The following SEC62 variants were observed in gnomAD, a reference collection of about 807,000 sequenced individuals.
SEC62 encodes SEC62 preprotein translocation factor, also known as translocation protein SEC62.
In SEC62, 10 loss-of-function variants were observed where a neutral mutation model predicts 47.5. That is an observed-to-expected ratio of 0.21 (90% CI 0.13 to 0.36). The LOEUF is 0.36. Ranked by LOEUF, SEC62 falls within the 10% of genes least tolerant of loss-of-function variation. The pLI is 1.00. For missense variants in SEC62, 327 were observed against 464.1 expected (o/e 0.70, Z 2.71); for synonymous variants, 136 against 150.5 (o/e 0.90, Z 0.71).
At position 169,983,266 on chromosome 3, in the gene SEC62, C is replaced by CTA; in HGVS notation, c.549+16_549+17dup. 3.2e-6 allele frequency: 5 copies of CTA among 1,568,326 alleles called. No individual in the cohort carries two copies. The highest frequency in any genetic ancestry group is 4.3e-6 in the Non-Finnish European group (5 of 1,152,968). On this transcript the variant is annotated intron_variant, in intron 5 of 7. Transcript: ENST00000337002. ...GGATGGAAATGAGGTGAGAGTAAGC[C>CTA]TATAACTAGAAGTTCAGTTTTCTAT...
chr3:169,989,446 G>C (rs1053695398), intron 7 of SEC62, among the ~76,000 whole-genome samples: 1 of 148,566 alleles, frequency 6.7e-6, no homozygotes, highest in Non-Finnish European at 1.5e-5. Context: ...CATGGAACAC[G>C]GGCACATTTG....
chr3:169,982,921 T>A lies in SEC62; in HGVS notation c.456+10T>A, dbSNP rs1715016486. On this transcript the variant is annotated intron_variant, in intron 4 of 7. Coordinates refer to ENST00000337002, the MANE Select transcript of SEC62 (RefSeq NM_003262.4). ...GGAAGAATCCAAAAAGGTGAGTTAA[T>A]CTAAAATTAAGTAAAAATTTAAAAA... 1 of 1,561,974 alleles carries A rather than the reference T, an allele frequency of 6.4e-7. No homozygotes were observed. Among genetic ancestry groups the A allele is most frequent in the Non-Finnish European group, 8.6e-7 (1 of 1,165,334 alleles).
chr3:169,967,751 T>C (rs1559962860), intron 1 of SEC62, among the ~76,000 whole-genome samples: 1 of 152,232 alleles, frequency 6.6e-6, no homozygotes, highest in Non-Finnish European at 1.5e-5. Context: ...GAAACCTTCA[T>C]AAGCCCTCAA....
rs1188535735 is a variant in SEC62 at position 169,992,406 on chromosome 3, A to T, written c.731-188A>T. Among the ~76,000 whole-genome samples the T allele has an allele frequency of 1.3e-5, 2 of 152,104 alleles. No individual in the cohort carries two copies. The stretch of plus-strand genomic sequence containing the variant: ...AGCCTCGAGCTCCTGGGCTCAAGTG[A>T]TCCTCCCAAGTAGCTTGGATTAGAG... On this transcript the variant is annotated intron_variant, in intron 7 of 7. Coordinates refer to ENST00000337002, the MANE Select transcript of SEC62 (RefSeq NM_003262.4). This position sits in a 1 kb window ranked among gnomAD's most constrained non-coding sequence, Gnocchi z 4.0.
chr3:169,972,885 T>C (rs1332862168), intron 1 of SEC62, among the ~76,000 whole-genome samples: 2 of 152,212 alleles, frequency 1.3e-5, no homozygotes, highest in Non-Finnish European at 2.9e-5. Context: ...ACTCTGTAAG[T>C]CTGGAAGAAC....
intron 1 of SEC62, chr3:169,969,265 T>A (rs1489842977): frequency 4.4e-6 from 2 of 454,296 alleles, no homozygotes; most frequent in Non-Finnish European, 8.8e-6. Flanking sequence ...AGTAGCTAAT[T>A]TGCTTTTTCT....
chr3:169,986,262 T>G (rs1715104570), intron 6 of SEC62, among the ~76,000 whole-genome samples: 1 of 152,198 alleles, frequency 6.6e-6, no homozygotes, highest in Non-Finnish European at 1.5e-5. Flanking sequence ...TTAATTTTTG[T>G]AAAGGGCAGT....
chr3:169,988,030 T>G (rs564135159), intron 6 of SEC62, among the ~76,000 whole-genome samples: 1 of 152,308 alleles, frequency 6.6e-6, no homozygotes, highest in Non-Finnish European at 1.5e-5. Flanking sequence ...TTTACACTAA[T>G]AAAAACTAGT....
intron 1 of SEC62, among the ~76,000 whole-genome samples, chr3:169,973,226 T>C (rs1714744007): frequency 6.6e-6 from 1 of 152,228 alleles, no homozygotes; most frequent in Non-Finnish European, 1.5e-5. Context: ...TTTAGCATGG[T>C]TTCAAAAATT....
At chr3:169,968,655 C>G (rs1387087207) in intron 1 of SEC62, 1 of 152,144 alleles carries the variant, frequency 6.6e-6, no homozygotes, top group South Asian at 2.1e-4. Flanking sequence ...CCCTTCTATT[C>G]TACTCCTTAC....
intron 2 of SEC62, among the ~76,000 whole-genome samples, chr3:169,976,075 G>A (rs1408577875): frequency 6.6e-6 from 1 of 152,120 alleles, no homozygotes. Context: ...TTATAAGTAG[G>A]GGTTGAGTTT....
intron 1 of SEC62, among the ~76,000 whole-genome samples, chr3:169,974,305 A>C (rs1240860461): frequency 6.6e-6 from 1 of 152,228 alleles, no homozygotes; most frequent in Non-Finnish European, 1.5e-5. Context: ...GTGCTTAAGC[A>C]TGCAATTATA....
intron 1 of SEC62, among the ~76,000 whole-genome samples, chr3:169,974,721 T>C (rs1362745134): frequency 1.3e-5 from 2 of 151,870 alleles, no homozygotes; most frequent in Non-Finnish European, 2.9e-5. Flanking sequence ...GTCCCAGGAG[T>C]GTCTGGTATC....
At chr3:169,973,927 G>A (rs1412379120) in intron 1 of SEC62, among the ~76,000 whole-genome samples, 1 of 152,176 alleles carries the variant, frequency 6.6e-6, no homozygotes, top group East Asian at 1.9e-4. Flanking sequence ...CCTGCCAGGA[G>A]ACTCAGTAAC....
chr3:169,983,334 G>C, intron 5 of SEC62, 81 bp downstream of exon 5: 2 of 757,056 alleles, frequency 2.6e-6, no homozygotes, highest in Non-Finnish European at 2.1e-6. Context: ...CTAATAAAAG[G>C]AAAAATTTTG....
chr3:169,985,733 A>G, intron 5 of SEC62, 72 bp from the exon 6 acceptor site: 2 of 1,229,584 alleles, frequency 1.6e-6, no homozygotes, highest in East Asian at 2.4e-5. Flanking sequence ...GGGACCTAAA[A>G]TATAGAATTA....
intron 7 of SEC62, among the ~76,000 whole-genome samples, chr3:169,990,772 A>G (rs893997938): frequency 1.3e-5 from 2 of 152,234 alleles, no homozygotes; most frequent in Admixed American, 6.5e-5. Context: ...TCTAATGTGT[A>G]CAGGAGTCTT....
chr3:169,985,666 AATTT>A, intron 5 of SEC62, 135 bp from the exon 6 acceptor site: 1 of 523,466 alleles, frequency 1.9e-6, no homozygotes, highest in South Asian at 3.8e-5. Flanking sequence ...AGATCTTTGG[AATTT>A]ATTTACCTTA....
intron 3 of SEC62, among the ~76,000 whole-genome samples, chr3:169,979,377 A>C (rs1370053234): frequency 6.6e-6 from 1 of 152,092 alleles, no homozygotes; most frequent in African/African-American, 2.4e-5. Flanking sequence ...GGCATGAGGG[A>C]GTCTGAGGAA....
Sources: allele counts gnomAD v4.1 joint callset (sites outside exome capture counted in the v4.1 genomes callset), GRCh38; gene constraint gnomAD v4.1.1; non-coding constraint Gnocchi (gnomAD v3.1); transcripts MANE v1.5; gene names NCBI Gene and HGNC (gene_info 2026-07-23, HGNC 2026-07-21).